TBCCD1: variants seen among roughly 807,000 people sequenced by gnomAD.
The protein encoded by TBCCD1 is TBCC domain-containing protein 1.
TBCCD1 carries 26 observed loss-of-function variants against 53.4 expected under a neutral mutation model. That is an observed-to-expected ratio of 0.49 (90% CI 0.36 to 0.68). The LOEUF is 0.68. TBCCD1 is among the 30% of genes least tolerant of loss of function. The probability of loss-of-function intolerance (pLI) is 0.00; values close to 1 mark genes in which losing one functional copy is unlikely to be tolerated. For missense variants in TBCCD1, 558 were observed against 669.5 expected (o/e 0.83, Z 1.84); for synonymous variants, 245 against 241.7 (o/e 1.01, Z -0.13).
chr3:186,564,476 A>C (rs1409737394), intron 1 of TBCCD1, 104 bp from the exon 2 acceptor site: 3 of 691,904 alleles, frequency 4.3e-6, no homozygotes, highest in Non-Finnish European at 6.8e-6. Context: ...TATGTACTAC[A>C]TCATCATCTT....
At chr3:186,566,375 G>A (rs138814419) in intron 1 of TBCCD1, among the ~76,000 whole-genome samples, 6 of 152,210 alleles carry the variant, frequency 3.9e-5, no homozygotes, top group African/African-American at 7.2e-5. Flanking sequence ...TCATCTGTTC[G>A]GAAAAATAAC....
At chr3:186,548,902 C>T (rs1714287248) in intron 7 of TBCCD1, among the ~76,000 whole-genome samples, 1 of 152,100 alleles carries the variant, frequency 6.6e-6, no homozygotes, top group African/African-American at 2.4e-5. Context: ...CTAATGTTAA[C>T]TAGCTTGATT....
chr3:186,567,100 G>C (rs990407716), intron 1 of TBCCD1, among the ~76,000 whole-genome samples, 167 bp downstream of exon 1: 1 of 152,222 alleles, frequency 6.6e-6, no homozygotes, highest in Admixed American at 6.5e-5. Flanking sequence ...GGGACTCTGC[G>C]TGGGCCGCCC....
intron 7 of TBCCD1, among the ~76,000 whole-genome samples, chr3:186,548,171 G>A (rs1425505464): frequency 6.6e-6 from 1 of 152,162 alleles, no homozygotes; most frequent in Non-Finnish European, 1.5e-5. Flanking sequence ...TCCACACGAT[G>A]GAATATTATC....
In TBCCD1 at chr3:186,556,493, AG is replaced by A. The variant is rs867258905; in HGVS notation, c.774del (p.Trp259GlyfsTer2). The A allele has an allele frequency of 6.2e-7, 1 of 1,609,938 alleles. No individual in the cohort carries two copies. Among genetic ancestry groups the A allele is most frequent in the Non-Finnish European group, 8.5e-7 (1 of 1,179,194 alleles). ...SKTFSFYKLETWLRSCLTGNP... is the reference protein window; with the variant it reads ...SKTFSFYKLEXWLRSCLTGNP... ...TTCCCAGTCAAACAGGACCTCAACC[AG>A]GTTTCCAGTTTGTAGAAAGAGAAAG... is the stretch of plus-strand genomic sequence containing the variant. On this transcript the variant is annotated frameshift_variant, in exon 4 of 8. Transcript: ENST00000338733. LOFTEE classifies it high-confidence loss of function.
chr3:186,568,915 GAAAT>G (rs1213538695), upstream of TBCCD1, among the ~76,000 whole-genome samples: 6 of 137,644 alleles, frequency 4.4e-5, no homozygotes, highest in Non-Finnish European at 9.3e-5. Flanking sequence ...GAAAAAAAAA[GAAAT>G]AAAGAAAAGA....
chr3:186,551,871 GGA>G (rs1491159759), intron 6 of TBCCD1, among the ~76,000 whole-genome samples: 2 of 152,106 alleles, frequency 1.3e-5, no homozygotes, highest in Non-Finnish European at 2.9e-5. Flanking sequence ...CAGCTACTCG[GGA>G]GGCTGAGGCA....
At chr3:186,555,168 T>C (rs1197632333) in intron 4 of TBCCD1, 84 bp from the exon 5 acceptor site, 2 of 1,304,532 alleles carry the variant, frequency 1.5e-6, no homozygotes, top group African/African-American at 1.5e-5. Flanking sequence ...CGTCTACATG[T>C]ATATATGTCT....
chr3:186,568,863 A>G (rs560188468), upstream of TBCCD1, among the ~76,000 whole-genome samples: 14 of 150,402 alleles, frequency 9.3e-5, no homozygotes, highest in African/African-American at 3.5e-4. Flanking sequence ...AGATCACGCT[A>G]CTGCTCTCCA....
chr3:186,553,898 AGT>A (rs1267112308), intron 6 of TBCCD1, among the ~76,000 whole-genome samples: 4 of 151,944 alleles, frequency 2.6e-5, no homozygotes. Flanking sequence ...CCCAGGCCGG[AGT>A]GCAATGGCAC....
rs543503249 is a variant in TBCCD1 at position 186,563,916 on chromosome 3, A to C, written c.336+78T>G. On this transcript the variant is annotated intron_variant, in intron 2 of 7. Transcript: ENST00000338733. ...CTGTTTCTATCTAAAAATTGTAATA[A>C]GCAAAAACATTTTTTAATTTAAAAA... 44 of 1,461,676 alleles carry C rather than the reference A, an allele frequency of 3.0e-5. No homozygotes were observed. The South Asian group carries it at 5.3e-4, about 18-fold the overall frequency. The allele number at this position is 1,461,676 out of a possible 1,614,324, so 90.5% of individuals were successfully genotyped here.
rs1478175830 is a variant in TBCCD1 at position 186,554,141 on chromosome 3, C to T, written c.1544+113G>A. The T allele has an allele frequency of 6.7e-6, 10 of 1,488,716 alleles. No homozygotes were observed. The Admixed American group carries it at 8.5e-5, about 13-fold the overall frequency. The allele number at this position is 1,488,716 out of a possible 1,614,324, so 92.2% of individuals were successfully genotyped here. A position where few individuals can be genotyped will look rare whatever the true frequency, so the allele number is the denominator to read the frequency against. Reference sequence around the variant, plus strand: ...GGGATTATAGGCGTGAGCCACCGCGCCCAGCCTTACATTTTTTATTACTTT... The same window carrying T: ...GGGATTATAGGCGTGAGCCACCGCGTCCAGCCTTACATTTTTTATTACTTT... On this transcript the variant is annotated intron_variant, in intron 6 of 7. Coordinates refer to ENST00000338733, the MANE Select transcript of TBCCD1 (RefSeq NM_018138.5).
At chr3:186,561,812 T>C (rs1030236822) in intron 2 of TBCCD1, among the ~76,000 whole-genome samples, 2 of 151,760 alleles carry the variant, frequency 1.3e-5, no homozygotes, top group Admixed American at 6.6e-5. Context: ...ATAAATAGTA[T>C]AGTGGTTTCT....
At chr3:186,570,298 G>C (rs1328737922), upstream of TBCCD1, 6 of 544,042 alleles carry the variant, frequency 1.1e-5, no homozygotes, top group African/African-American at 5.7e-5. Context: ...TCCCTCATTC[G>C]GAGCGTAGCT....
chr3:186,556,841 T>G, intron 3 of TBCCD1, 66 bp from the exon 4 acceptor site: 1 of 1,506,118 alleles, frequency 6.6e-7, no homozygotes. Flanking sequence ...ATTTCTATAT[T>G]TTAATTATTT....
At chr3:186,555,519 T>G (rs1714515813) in intron 4 of TBCCD1, among the ~76,000 whole-genome samples, 1 of 152,152 alleles carries the variant, frequency 6.6e-6, no homozygotes, top group Non-Finnish European at 1.5e-5. Context: ...CCTTCCTAAC[T>G]TACCACATTA....
rs531698771 is a variant in TBCCD1, at chr3:186,564,235, T to C, written c.95A>G (p.Tyr32Cys). 25 of 1,614,192 alleles carry C rather than the reference T, an allele frequency of 1.5e-5. No individual in the cohort carries two copies. In the South Asian group the frequency reaches 1.6e-4, roughly 11 times the overall value. The change falls in exon 2 of 8, where the codon TAT becomes TGT. Residue 32 changes from tyrosine to cysteine, a missense_variant. Physicochemically the swap from Tyr to Cys is radical, Grantham distance 194. Coordinates refer to ENST00000338733, the MANE Select transcript of TBCCD1 (RefSeq NM_018138.5). ...VPPPSKFSLH[Y>C]LRKISTYVQI... ...CACATAGGTGGATATCTTCCTGAGA[T>C]AGTGAAGACTAAACTTGGATGGAGG... is the stretch of plus-strand genomic sequence containing the variant.
At chr3:186,556,328 C>T (rs777650946) in intron 4 of TBCCD1, 81 bp downstream of exon 4, 73 of 1,490,486 alleles carry the variant, frequency 4.9e-5, no homozygotes, top group Non-Finnish European at 5.8e-5. Context: ...AGAGAAGACA[C>T]GAGATCACTA....
chr3:186,559,255 T>C (rs1714629079), intron 2 of TBCCD1, among the ~76,000 whole-genome samples: 1 of 152,122 alleles, frequency 6.6e-6, no homozygotes, highest in African/African-American at 2.4e-5. Flanking sequence ...AAGAAGAAAA[T>C]TCAGTTAAGA....
Sources: gnomAD v4.1 joint callset for allele counts (sites outside exome capture counted in the v4.1 genomes callset) on GRCh38, gnomAD v4.1.1 for gene constraint, MANE v1.5 for transcripts, NCBI Gene and HGNC (gene_info 2026-07-23, HGNC 2026-07-21) for gene names.